LRBA: variants seen among roughly 807,000 people sequenced by gnomAD.
LRBA encodes the protein lipopolysaccharide-responsive and beige-like anchor protein.
LRBA carries 176 observed loss-of-function variants against 330.0 expected under a neutral mutation model. The observed-to-expected ratio is 0.53, with a 90% CI of 0.47 to 0.60. The LOEUF (loss-of-function observed/expected upper bound fraction) is 0.60, where lower values mean the gene tolerates loss of function less well. Among genes scored for constraint, LRBA ranks in the 20% least tolerant of loss-of-function variants. The pLI is 0.00. For synonymous variants in LRBA, 1,230 were observed against 1,193.0 expected (o/e 1.03, Z -0.64); for missense variants, 3,259 against 3,444.8 (o/e 0.95, Z 1.35).
At chr4:150,435,796 G>T in intron 45 of LRBA, 88 bp from the exon 46 acceptor site, 1 of 937,442 alleles carries the variant, frequency 1.1e-6, no homozygotes, top group Non-Finnish European at 1.6e-6. Flanking sequence ...ATACTTTAAT[G>T]ACTAATAGGC....
intron 17 of LRBA, among the ~76,000 whole-genome samples, chr4:150,882,336 G>T (rs1026131787): frequency 3.9e-5 from 6 of 152,044 alleles, no homozygotes; most frequent in Admixed American, 3.9e-4. Flanking sequence ...GGCCTATTTT[G>T]CTTTTTGACC....
At chr4:150,435,351 C>CAAAACAAAAACA (rs539459518) in intron 46 of LRBA, among the ~76,000 whole-genome samples, 275 of 151,542 alleles carry the variant, frequency 1.8e-3, no homozygotes, top group Middle Eastern at 6.8e-3. Flanking sequence ...ACTCTGTCTC[C>CAAAACAAAAACA]AAAACAAAAA....
chr4:150,815,445 T>C (rs915299537), intron 31 of LRBA, among the ~76,000 whole-genome samples: 43 of 151,944 alleles, frequency 2.8e-4, no homozygotes, highest in African/African-American at 1.0e-3. Context: ...TAATTCTCAC[T>C]GGGCCAGGGG....
intron 36 of LRBA, among the ~76,000 whole-genome samples, chr4:150,694,063 G>A (rs910658110): frequency 2.0e-5 from 3 of 152,010 alleles, no homozygotes; most frequent in Admixed American, 1.3e-4. Flanking sequence ...ACAAATCAAA[G>A]AACGACATAA....
At chr4:150,786,021 T>C (rs1013630585) in intron 34 of LRBA, among the ~76,000 whole-genome samples, 1 of 152,170 alleles carries the variant, frequency 6.6e-6, no homozygotes, top group African/African-American at 2.4e-5. Context: ...CTTGTCTACA[T>C]GGAAATGAAG....
At chr4:150,979,022 A>G (rs1386529780) in intron 2 of LRBA, among the ~76,000 whole-genome samples, 1 of 152,194 alleles carries the variant, frequency 6.6e-6, no homozygotes, top group African/African-American at 2.4e-5. Context: ...AAAGATATCA[A>G]TACTCAAGTA....
chr4:150,814,293 A>G (rs1744229038), intron 31 of LRBA, among the ~76,000 whole-genome samples: 1 of 152,008 alleles, frequency 6.6e-6, no homozygotes, highest in Admixed American at 6.6e-5. Flanking sequence ...ACTATTTGGG[A>G]GGTTGGGGTA....
intron 37 of LRBA, among the ~76,000 whole-genome samples, chr4:150,659,057 C>T (rs1387898779): frequency 1.5e-5 from 2 of 133,202 alleles, no homozygotes; most frequent in Non-Finnish European, 3.3e-5. Flanking sequence ...GGCGTGATCT[C>T]GGCTCACTAC....
intron 40 of LRBA, among the ~76,000 whole-genome samples, chr4:150,527,260 C>T (rs1468072671): frequency 2.0e-5 from 3 of 152,078 alleles, no homozygotes; most frequent in Non-Finnish European, 2.9e-5. Flanking sequence ...ATTTAAACAT[C>T]GAATCCGAGA....
At chr4:150,406,009 T>C (rs1746145652) in intron 47 of LRBA, among the ~76,000 whole-genome samples, 1 of 152,136 alleles carries the variant, frequency 6.6e-6, no homozygotes, top group East Asian at 1.9e-4. Context: ...GAGCCGTGAT[T>C]GTACCACTAC....
intron 34 of LRBA, among the ~76,000 whole-genome samples, chr4:150,768,877 T>G (rs1282431956): frequency 1.3e-5 from 2 of 151,544 alleles, no homozygotes; most frequent in Non-Finnish European, 2.9e-5. Flanking sequence ...GAAAATTTTT[T>G]TAAATTTCAT....
chr4:150,745,517 T>C (rs948439668), intron 35 of LRBA, among the ~76,000 whole-genome samples: 1 of 152,066 alleles, frequency 6.6e-6, no homozygotes, highest in African/African-American at 2.4e-5. Flanking sequence ...TGTTTTTTGT[T>C]TTTTGTTTTT....
intron 37 of LRBA, among the ~76,000 whole-genome samples, chr4:150,660,372 C>T (rs1342345311): frequency 5.2e-4 from 60 of 114,414 alleles, no homozygotes; most frequent in African/African-American, 1.7e-3. Flanking sequence ...CCCCCCTGCC[C>T]GGCCAGTGGC....
At chr4:150,586,977 A>G (rs1348097025) in intron 40 of LRBA, among the ~76,000 whole-genome samples, 2 of 152,262 alleles carry the variant, frequency 1.3e-5, no homozygotes, top group East Asian at 3.9e-4. Flanking sequence ...TTTTTAATTG[A>G]TAGAATTTCA....
intron 42 of LRBA, among the ~76,000 whole-genome samples, chr4:150,480,204 T>C (rs1205485542): frequency 6.6e-6 from 1 of 152,110 alleles, no homozygotes; most frequent in Non-Finnish European, 1.5e-5. Context: ...AGTCCCAGCA[T>C]ACAGGAGAAA....
intron 17 of LRBA, among the ~76,000 whole-genome samples, chr4:150,884,397 G>A (rs1050748260): frequency 4.6e-5 from 7 of 152,126 alleles, no homozygotes; most frequent in Non-Finnish European, 8.8e-5. Context: ...ATATCCAGGA[G>A]ACACCTGGGT....
At chr4:150,542,455 T>G (rs183091081) in intron 40 of LRBA, among the ~76,000 whole-genome samples, 1 of 152,218 alleles carries the variant, frequency 6.6e-6, no homozygotes, top group Non-Finnish European at 1.5e-5. Context: ...TTGTGATACA[T>G]GTATTAAGCA....
At chr4:150,912,020 G>A (rs541917324) in intron 9 of LRBA, among the ~76,000 whole-genome samples, 1 of 151,624 alleles carries the variant, frequency 6.6e-6, no homozygotes, top group African/African-American at 2.4e-5. Context: ...TTCTATTTCT[G>A]TGGCAAGTTA....
intron 36 of LRBA, among the ~76,000 whole-genome samples, chr4:150,704,063 G>A (rs531201763): frequency 5.3e-5 from 8 of 151,926 alleles, no homozygotes; most frequent in Admixed American, 1.3e-4. Context: ...TTTTTTTAAT[G>A]TTAGCCAGGA....
Sources: allele counts gnomAD v4.1 joint callset (sites outside exome capture counted in the v4.1 genomes callset), GRCh38; gene constraint gnomAD v4.1.1; transcripts MANE v1.5; gene names NCBI Gene and HGNC (gene_info 2026-07-23, HGNC 2026-07-21).